DOCK5: variants seen among roughly 807,000 people sequenced by gnomAD.
The protein encoded by DOCK5 is dedicator of cytokinesis 5, also known as dedicator of cytokinesis protein 5.
DOCK5 carries 142 observed loss-of-function variants against 251.8 expected under a neutral mutation model. The ratio of observed to expected loss-of-function variants is 0.56; its 90% CI spans 0.49 to 0.65. The LOEUF (loss-of-function observed/expected upper bound fraction) is 0.65, where lower values mean the gene tolerates loss of function less well. Among genes scored for constraint, DOCK5 ranks in the 30% least tolerant of loss-of-function variants. The probability of loss-of-function intolerance (pLI) is 0.00; values close to 1 mark genes in which losing one functional copy is unlikely to be tolerated. For synonymous variants in DOCK5, 842 were observed against 835.5 expected (o/e 1.01, Z -0.13); for missense variants, 2,111 against 2,312.3 (o/e 0.91, Z 1.79).
At chr8:25,302,955 G>A (rs1307167118) in intron 10 of DOCK5, among the ~76,000 whole-genome samples, 1 of 152,148 alleles carries the variant, frequency 6.6e-6, no homozygotes, top group Non-Finnish European at 1.5e-5. Context: ...GTTTCCATTT[G>A]GGAAGATGAG....
chr8:25,332,388 C>T (rs774849627), intron 19 of DOCK5, 40 bp downstream of exon 19: 12 of 1,474,214 alleles, frequency 8.1e-6, no homozygotes, highest in African/African-American at 1.4e-5. Flanking sequence ...CACATACCTA[C>T]ATATATATAC....
chr8:25,279,868 A>G (rs189603915), intron 5 of DOCK5, among the ~76,000 whole-genome samples: 1 of 151,172 alleles, frequency 6.6e-6, no homozygotes, highest in East Asian at 1.9e-4. Context: ...CAAGTGATCT[A>G]TGTGTCTTGG....
At chr8:25,268,415 A>G (rs1803820734) in intron 2 of DOCK5, among the ~76,000 whole-genome samples, 1 of 152,120 alleles carries the variant, frequency 6.6e-6, no homozygotes, top group African/African-American at 2.4e-5. Context: ...TACAGCAAAT[A>G]TAATTTATTT....
chr8:25,270,493 G>A (rs146227560), intron 3 of DOCK5, among the ~76,000 whole-genome samples: 35 of 152,020 alleles, frequency 2.3e-4, no homozygotes, highest in African/African-American at 8.4e-4. Context: ...TTCTGAATTT[G>A]TTAAACAGTA....
At chr8:25,254,109 A>T (rs1803348508) in intron 2 of DOCK5, among the ~76,000 whole-genome samples, 1 of 152,250 alleles carries the variant, frequency 6.6e-6, no homozygotes, top group Non-Finnish European at 1.5e-5. Context: ...CTGACCTTTG[A>T]CAAAGAACAA....
intron 1 of DOCK5, among the ~76,000 whole-genome samples, chr8:25,232,025 A>G (rs1416055003): frequency 6.6e-6 from 1 of 152,204 alleles, no homozygotes; most frequent in Non-Finnish European, 1.5e-5. Context: ...GAGAGTTCCT[A>G]AGTACCTTTC....
intron 51 of DOCK5, among the ~76,000 whole-genome samples, chr8:25,410,972 T>TGTGCGCGC (rs1331552371): frequency 7.3e-4 from 14 of 19,164 alleles, no homozygotes; most frequent in African/African-American, 1.7e-3. Flanking sequence ...TGTGTGTGTG[T>TGTGCGCGC]GCGCGCGCGC....
intron 8 of DOCK5, 147 bp from the exon 9 acceptor site, chr8:25,300,429 C>CA: frequency 3.0e-6 from 2 of 664,168 alleles, no homozygotes; most frequent in Non-Finnish European, 5.0e-6. Flanking sequence ...TCCCAGTTCC[C>CA]AACTCAGCTG....
chr8:25,188,285 G>C (rs11994875), intron 1 of DOCK5, among the ~76,000 whole-genome samples: 10,882 of 152,262 alleles, frequency 0.071, 529 homozygotes, highest in African/African-American at 0.13. Flanking sequence ...GCATGGAGCA[G>C]ACAGACTTTC....
intron 41 of DOCK5, among the ~76,000 whole-genome samples, chr8:25,389,985 G>GA (rs5890226): frequency 0.93 from 135,011 of 144,716 alleles, 63,379 homozygotes; most frequent in Non-Finnish European, 0.99. Context: ...ATGTCTGACC[G>GA]AAAAAAAAAA....
intron 6 of DOCK5, among the ~76,000 whole-genome samples, chr8:25,296,009 AG>A (rs1563342095): frequency 6.6e-6 from 1 of 152,056 alleles, no homozygotes; most frequent in Admixed American, 6.5e-5. Flanking sequence ...TAGCAGAGAC[AG>A]GGTTTCAACA....
At chr8:25,209,171 GCACATTAGC>G (rs1802073222) in intron 1 of DOCK5, among the ~76,000 whole-genome samples, 5 of 75,394 alleles carry the variant, frequency 6.6e-5, no homozygotes, top group Non-Finnish European at 1.7e-4. Context: ...GAGGCTCAGA[GCACATTAGC>G]GCCGTCATCC....
chr8:25,273,975 G>A (rs1803980255), intron 3 of DOCK5, among the ~76,000 whole-genome samples: 1 of 152,182 alleles, frequency 6.6e-6, no homozygotes, highest in East Asian at 1.9e-4. Flanking sequence ...AGGAGGAGAA[G>A]GGATGTACTT....
At chr8:25,322,209 A>T (rs183468046) in intron 16 of DOCK5, among the ~76,000 whole-genome samples, 38 of 152,230 alleles carry the variant, frequency 2.5e-4, no homozygotes, top group African/African-American at 9.2e-4. Flanking sequence ...TCCCACGCAG[A>T]GTCTTTGTGG....
intron 5 of DOCK5, among the ~76,000 whole-genome samples, chr8:25,285,663 C>G (rs1399987493): frequency 2.0e-5 from 3 of 152,152 alleles, no homozygotes; most frequent in Non-Finnish European, 4.4e-5. Flanking sequence ...CAGTTTAAAG[C>G]TGCTGGATTC....
chr8:25,335,621 T>C (rs549891481), intron 21 of DOCK5, among the ~76,000 whole-genome samples: 3 of 152,248 alleles, frequency 2.0e-5, no homozygotes, highest in Admixed American at 6.5e-5. Flanking sequence ...GTTTAAAATA[T>C]CAGTGCCCTC....
chr8:25,269,614 T>C (rs1803852368), intron 3 of DOCK5, among the ~76,000 whole-genome samples: 3 of 152,226 alleles, frequency 2.0e-5, no homozygotes, highest in Admixed American at 2.0e-4. Flanking sequence ...AAACTACTAA[T>C]CGTCAGGCTA....
intron 7 of DOCK5, among the ~76,000 whole-genome samples, chr8:25,297,160 T>C (rs1804637337): frequency 6.6e-6 from 1 of 152,090 alleles, no homozygotes; most frequent in Non-Finnish European, 1.5e-5. Context: ...AGTGGTGCAG[T>C]CTCAGCTCAC....
At chr8:25,279,201 G>T (rs1016820307) in intron 5 of DOCK5, among the ~76,000 whole-genome samples, 1 of 152,070 alleles carries the variant, frequency 6.6e-6, no homozygotes, top group Non-Finnish European at 1.5e-5. Context: ...ACCTTTTTGG[G>T]CAGACTCACA....
Sources: gnomAD v4.1 joint callset for allele counts (sites outside exome capture counted in the v4.1 genomes callset) on GRCh38, gnomAD v4.1.1 for gene constraint, MANE v1.5 for transcripts, NCBI Gene and HGNC (gene_info 2026-07-23, HGNC 2026-07-21) for gene names.